The following PLEKHH1 variants were observed in gnomAD, a reference collection of about 807,000 sequenced individuals.
PLEKHH1 encodes pleckstrin homology, MyTH4 and FERM domain containing H1, also known as pleckstrin homology domain-containing family H member 1.
In PLEKHH1, 104 loss-of-function variants were observed where a neutral mutation model predicts 160.0. The ratio of observed to expected loss-of-function variants is 0.65; its 90% confidence interval spans 0.55 to 0.76. The LOEUF is 0.76. Ranked by LOEUF, PLEKHH1 falls within the 30% of genes least tolerant of loss-of-function variation. PLEKHH1 has a pLI of 0.00. For synonymous variants in PLEKHH1, 619 were observed against 678.4 expected, an observed-to-expected ratio of 0.91 and a Z score of 1.36; for missense variants, 1,427 against 1,724.1, an observed-to-expected ratio of 0.83 and a Z score of 3.05.
In PLEKHH1 at chr14:67,576,666, G is replaced by A. The variant is rs917913617; in HGVS notation, c.2461+163G>A. 5.3e-5 allele frequency among the ~76,000 whole-genome samples: 8 copies of A among 152,148 alleles called. No homozygotes were observed. The highest frequency in any genetic ancestry group is 1.2e-4 in the African/African-American group (5 of 41,442). On this transcript the variant is annotated intron_variant, in intron 17 of 28. Coordinates refer to ENST00000329153, the MANE Select transcript of PLEKHH1 (RefSeq NM_020715.3). The surrounding 1 kb of genome is among the most constrained non-coding windows in gnomAD (Gnocchi z 4.0). ...CAAGCTCCAGGGCCCCTCTGTCTCC[G>A]GCTGAGATACTAAGGTGACCACTCT...
chr14:67,561,785 A>T (rs1160553644), intron 5 of PLEKHH1, among the ~76,000 whole-genome samples, 169 bp from the exon 6 acceptor site: 1 of 150,560 alleles, frequency 6.6e-6, no homozygotes, highest in African/African-American at 2.4e-5. Context: ...TGGGAGGATC[A>T]GTTGGGCCTG....
intron 23 of PLEKHH1, 74 bp from the exon 24 acceptor site, chr14:67,581,995 A>G: frequency 6.9e-7 from 1 of 1,449,010 alleles, no homozygotes; most frequent in Middle Eastern, 2.4e-4. Flanking sequence ...AAATAAAGGT[A>G]ACAGACCCAG....
chr14:67,559,215 A>G (rs1000777556), intron 4 of PLEKHH1, among the ~76,000 whole-genome samples: 4 of 152,304 alleles, frequency 2.6e-5, no homozygotes, highest in African/African-American at 7.2e-5. Flanking sequence ...TTTTTTAACT[A>G]TAAAGGTAAC....
Position 67,578,236 on chromosome 14 carries a change from A to G in PLEKHH1, c.2751+37A>G, listed in dbSNP as rs375735311. The G allele has an allele frequency of 3.0e-5, 48 of 1,585,072 alleles. No homozygotes were observed. Among genetic ancestry groups the G allele is most frequent in the Non-Finnish European group, 2.9e-5 (34 of 1,156,340 alleles). On this transcript the variant is annotated intron_variant, in intron 19 of 28. Coordinates refer to ENST00000329153, the MANE Select transcript of PLEKHH1 (RefSeq NM_020715.3). The surrounding 1 kb of genome is among the most constrained non-coding windows in gnomAD (Gnocchi z 5.0). ...AGGGGTGGAGCAGCTGACAGAAGCC[A>G]TTGGCAAGGGCTGCCAGGTGGGAAA... is the stretch of plus-strand genomic sequence containing the variant.
intron 26 of PLEKHH1, 78 bp downstream of exon 26, chr14:67,584,202 A>G: frequency 6.8e-7 from 1 of 1,464,886 alleles, no homozygotes; most frequent in Non-Finnish European, 9.4e-7. Flanking sequence ...ACCAATTTGC[A>G]GCCCCTACCT....
At chr14:67,557,227 G>A (rs1187037460) in intron 3 of PLEKHH1, 42 bp from the exon 4 acceptor site, 2 of 1,590,202 alleles carry the variant, frequency 1.3e-6, no homozygotes, top group Non-Finnish European at 8.6e-7. Context: ...CACACCCCGT[G>A]TGAGTGATGG....
In PLEKHH1 at chr14:67,579,799, T is replaced by C. The variant is rs1309092831; in HGVS notation, c.3106T>C (p.Ser1036Pro). Residue 1036 changes from serine to proline, a missense_variant, in exon 22 of 29, where the codon TCC becomes CCC. By Grantham distance (74) the Ser-to-Pro change is moderately conservative (BLOSUM62 -1). Around this residue, in one of 6 missense-constraint regions of PLEKHH1, gnomAD observed 436 missense variants for 607.5 expected, o/e 0.72. Coordinates refer to ENST00000329153, the MANE Select transcript of PLEKHH1 (RefSeq NM_020715.3). Reference sequence around the variant, plus strand: ...CCAGGAGATAGGCATGAGAAAGCCATCCCACTCTGGCTTTGCCCTCTTCAC... The same window carrying C: ...CCAGGAGATAGGCATGAGAAAGCCACCCCACTCTGGCTTTGCCCTCTTCAC... Reference protein sequence around the residue: ...LNQEIGMRKPSHSGFALFTDD... With the variant: ...LNQEIGMRKPPHSGFALFTDD... 4 of 1,611,030 alleles carry C rather than the reference T, an allele frequency of 2.5e-6. No homozygotes were observed. The highest frequency in any genetic ancestry group is 3.4e-6 in the Non-Finnish European group (4 of 1,178,612).
chr14:67,584,727 A>C (rs902537580), intron 26 of PLEKHH1, among the ~76,000 whole-genome samples: 15 of 152,216 alleles, frequency 9.9e-5, no homozygotes, highest in Admixed American at 7.2e-4. Context: ...TTGAGGTTAT[A>C]AGAAGTGAGA....
intron 7 of PLEKHH1, among the ~76,000 whole-genome samples, chr14:67,564,554 C>T (rs146960207): frequency 0.078 from 11,888 of 152,132 alleles, 517 homozygotes; most frequent in African/African-American, 0.11. Flanking sequence ...GCCTCCTGGG[C>T]TCAAGCAATC....
At chr14:67,545,381 A>G (rs1201742593) in intron 2 of PLEKHH1, among the ~76,000 whole-genome samples, 2 of 152,216 alleles carry the variant, frequency 1.3e-5, no homozygotes, top group Non-Finnish European at 2.9e-5. Flanking sequence ...AAAGAAAGAG[A>G]GGATAGATAA....
chr14:67,577,071 C>A (rs751408967), intron 17 of PLEKHH1, among the ~76,000 whole-genome samples: 2 of 152,202 alleles, frequency 1.3e-5, no homozygotes, highest in African/African-American at 4.8e-5. Context: ...CACAACCTTG[C>A]ACACTCACCC....
intron 1 of PLEKHH1, among the ~76,000 whole-genome samples, chr14:67,538,617 A>G (rs4144498): frequency 0.53 from 80,371 of 151,898 alleles, 21,512 homozygotes; most frequent in Non-Finnish European, 0.55. Context: ...TGCTTCTGTC[A>G]GAAGAGCCTC....
chr14:67,557,517 G>A, intron 4 of PLEKHH1, 99 bp downstream of exon 4: 1 of 1,099,470 alleles, frequency 9.1e-7, no homozygotes, highest in East Asian at 2.4e-5. Context: ...TCTAGTGCTG[G>A]GGAACTCGCT....
At position 67,573,489 on chromosome 14, in the gene PLEKHH1, G is replaced by T; in HGVS notation, c.1839+103G>T. 1.2e-6 allele frequency: 1 copy of T among 812,166 alleles called. No individual in the cohort carries two copies. 50.3% of individuals were successfully genotyped at this position (812,166 alleles called of 1,614,324 possible). On this transcript the variant is annotated intron_variant, in intron 12 of 28. Coordinates refer to ENST00000329153, the MANE Select transcript of PLEKHH1 (RefSeq NM_020715.3). The surrounding 1 kb of genome is among the most constrained non-coding windows in gnomAD (Gnocchi z 4.8). ...AGGGGGAATGTGGCCCAAGGCCAGA[G>T]GGCAAAGGTCTGGCAGGTGGGGAGA... is the stretch of plus-strand genomic sequence containing the variant.
chr14:67,571,536 C>T, intron 9 of PLEKHH1: 1 of 501,202 alleles, frequency 2.0e-6, no homozygotes, highest in Middle Eastern at 5.2e-4. Context: ...TTGGGGACCA[C>T]AGAAGATGGT....
In PLEKHH1 at chr14:67,579,279, A is replaced by G; in HGVS notation, c.2995A>G (p.Ile999Val). 7 of 1,576,704 alleles carry G rather than the reference A, an allele frequency of 4.4e-6. No individual in the cohort carries two copies. Among genetic ancestry groups the G allele is most frequent in the Non-Finnish European group, 6.0e-6 (7 of 1,164,286 alleles). ...NPFHHSLPFS[I>V]PVHFTNGTYH... The stretch of plus-strand genomic sequence containing the variant: ...CTTCCACCACTCCTTGCCCTTCAGC[A>G]TCCCCGTGCACTTTACCAACGGGAC... The change falls in exon 21 of 29, where the codon ATC becomes GTC. Residue 999 changes from isoleucine to valine, a missense_variant. By Grantham distance (29) the Ile-to-Val change is conservative. Around this residue, in one of 6 missense-constraint regions of PLEKHH1, gnomAD observed 436 missense variants for 607.5 expected, o/e 0.72. Transcript: ENST00000329153.
At chr14:67,564,709 CAG>C (rs368456242) in intron 7 of PLEKHH1, among the ~76,000 whole-genome samples, 1,452 of 143,906 alleles carry the variant, frequency 0.01, 29 homozygotes, top group African/African-American at 0.036. Context: ...TTTTTTGAGA[CAG>C]AGTCTTGCTC....
rs1369772427 is a variant in PLEKHH1 at position 67,541,872 on chromosome 14, C to T, written c.5C>T (p.Ala2Val). The change falls in exon 2 of 29, where the codon GCA becomes GTA. Residue 2 changes from alanine to valine, a missense_variant. Physicochemically the swap from Ala to Val is moderately conservative, Grantham distance 64 (BLOSUM62 0). This residue lies in a region of PLEKHH1 where 831 missense variants were observed against 929.2 expected (regional missense o/e 0.89). Coordinates refer to ENST00000329153, the MANE Select transcript of PLEKHH1 (RefSeq NM_020715.3). Reference sequence around the variant, plus strand: ...AATCCAGAAGTCGATTCCATCATGGCAGAACTCAAGGTGGAGGCGCCGGCC... The same window carrying T: ...AATCCAGAAGTCGATTCCATCATGGTAGAACTCAAGGTGGAGGCGCCGGCC... M[A>V]ELKVEAPASV... 1 of 1,599,780 alleles carries T rather than the reference C, an allele frequency of 6.3e-7. No homozygotes were observed. The highest frequency in any genetic ancestry group is 8.5e-7 in the Non-Finnish European group (1 of 1,173,390).
intron 14 of PLEKHH1, 119 bp from the exon 15 acceptor site, chr14:67,575,273 T>G: frequency 1.6e-6 from 1 of 633,084 alleles, no homozygotes. Context: ...GGAGCCCAAA[T>G]GGCATCTCCA....
Sources: gnomAD v4.1 joint callset for allele counts (sites outside exome capture counted in the v4.1 genomes callset) on GRCh38, gnomAD v4.1.1 for gene constraint, gnomAD v4.1.1 regional missense constraint, Gnocchi (gnomAD v3.1) non-coding constraint, MANE v1.5 for transcripts, NCBI Gene and HGNC (gene_info 2026-07-23, HGNC 2026-07-21) for gene names.